The following RBM26 variants were observed in gnomAD, a reference collection of about 807,000 sequenced individuals.
RBM26 encodes the protein RNA-binding protein 26.
In RBM26, 30 loss-of-function variants were observed where a neutral mutation model predicts 123.6. The ratio of observed to expected loss-of-function variants is 0.24; its 90% CI spans 0.18 to 0.33. The LOEUF is 0.33. RBM26 is among the 10% of genes least tolerant of loss of function. The probability of loss-of-function intolerance (pLI) is 1.00; values close to 1 mark genes in which losing one functional copy is unlikely to be tolerated. For synonymous variants in RBM26, 400 were observed against 404.4 expected (o/e 0.99, Z 0.13); for missense variants, 947 against 1,203.6 (o/e 0.79, Z 3.15).
At chr13:79,315,258 T>C (rs1254073868), downstream of RBM26, among the ~76,000 whole-genome samples, 2 of 151,814 alleles carry the variant, frequency 1.3e-5, no homozygotes, top group Non-Finnish European at 2.9e-5. Context: ...AAATTTTCAT[T>C]GCGAAAACTA....
In RBM26 at chr13:79,337,293, G is replaced by T; in HGVS notation, c.2542C>A (p.Arg848=). The T allele has an allele frequency of 1.2e-6, 2 of 1,614,056 alleles. No individual in the cohort carries two copies. Among genetic ancestry groups the T allele is most frequent in the Non-Finnish European group, 1.7e-6 (2 of 1,179,986 alleles). The change falls in exon 19 of 22, where the codon CGA becomes AGA. Residue 848 remains arginine (R), a synonymous_variant. Coordinates refer to ENST00000438737, the MANE Select transcript of RBM26 (RefSeq NM_001366735.2). ...YTELQLEAAK[R]GILSSGRGRG... is the part of the protein sequence containing the mutation. Reference sequence around the variant, plus strand: ...CCCCGACCAGATGAAAGAATCCCTCGTTTGGCAGCCTAGAAGAGATTAGAC... The same window carrying T: ...CCCCGACCAGATGAAAGAATCCCTCTTTTGGCAGCCTAGAAGAGATTAGAC...
chr13:79,360,075 T>C (rs776411732), intron 9 of RBM26, among the ~76,000 whole-genome samples: 89 of 152,100 alleles, frequency 5.9e-4, no homozygotes, highest in Non-Finnish European at 1.2e-3. Flanking sequence ...AAAAAGATAT[T>C]TGACAGAGAA....
rs189113382 is a variant in RBM26 at position 79,356,612 on chromosome 13, T to A, written c.1690-1228A>T. Among the ~76,000 whole-genome samples the A allele has an allele frequency of 1.1e-3, 171 of 152,288 alleles. 1 individual carries two copies. In the East Asian group the frequency reaches 0.029, roughly 26 times the overall value. On this transcript the variant is annotated intron_variant, in intron 11 of 21. Coordinates refer to ENST00000438737, the MANE Select transcript of RBM26 (RefSeq NM_001366735.2). Reference sequence around the variant, plus strand: ...ATTCAATAAACATTAATTATAACTATAAAGATAATTTTGGTAACATTTTAA... The same window carrying A: ...ATTCAATAAACATTAATTATAACTAAAAAGATAATTTTGGTAACATTTTAA...
intron 18 of RBM26, among the ~76,000 whole-genome samples, chr13:79,339,863 G>A (rs1349247454): frequency 6.6e-6 from 1 of 152,106 alleles, no homozygotes; most frequent in Admixed American, 6.5e-5. Flanking sequence ...TGACTGTGCT[G>A]AATGAACACA....
intron 1 of RBM26, among the ~76,000 whole-genome samples, chr13:79,381,921 G>C (rs1250343714): frequency 6.6e-6 from 1 of 152,020 alleles, no homozygotes; most frequent in African/African-American, 2.4e-5. Flanking sequence ...TATAGAAGCA[G>C]GGGTTATAAT....
chr13:79,354,686 T>C (rs1258335392), intron 12 of RBM26, 116 bp from the exon 13 acceptor site: 16 of 910,364 alleles, frequency 1.8e-5, no homozygotes, highest in Middle Eastern at 2.5e-4. Context: ...ATGCAGCTTA[T>C]AGTCAAAACC....
In RBM26 at chr13:79,342,748, T is replaced by C; in HGVS notation, c.2343A>G (p.Thr781=). The C allele has an allele frequency of 1.9e-6, 3 of 1,611,324 alleles. No individual in the cohort carries two copies. Among genetic ancestry groups the C allele is most frequent in the Non-Finnish European group, 2.5e-6 (3 of 1,177,852 alleles). Residue 781 remains threonine, a synonymous_variant, in exon 17 of 22, where the codon ACA becomes ACG. Coordinates refer to ENST00000438737, the MANE Select transcript of RBM26 (RefSeq NM_001366735.2). ...AEIMKTLEVL[T]KNITKLKDEV... Reference sequence around the variant, plus strand: ...CATCTTTCAACTTGGTAATATTTTTTGTCAAAACCTCTAAAGTTTTCATTA... The same window carrying C: ...CATCTTTCAACTTGGTAATATTTTTCGTCAAAACCTCTAAAGTTTTCATTA...
Position 79,392,270 on chromosome 13 carries a change from T to C in RBM26, c.72-13363A>G, listed in dbSNP as rs995338271. ...ATAATACATAATTATTATATAATTATATATTAATTATATATAAAATATATA... is the reference window on the plus strand; with the variant it reads ...ATAATACATAATTATTATATAATTACATATTAATTATATATAAAATATATA... On this transcript the variant is annotated intron_variant, in intron 1 of 21. Transcript: ENST00000438737. Among the ~76,000 whole-genome samples the C allele has an allele frequency of 3.7e-5, 5 of 135,828 alleles. No individual in the cohort carries two copies. In the East Asian group the frequency reaches 1.1e-3, roughly 29 times the overall value. The allele number at this position is 135,828 out of a possible 152,430, so 89.1% of individuals were successfully genotyped here.
At chr13:79,356,531 T>C (rs1375819574) in intron 11 of RBM26, among the ~76,000 whole-genome samples, 1 of 152,132 alleles carries the variant, frequency 6.6e-6, no homozygotes, top group Non-Finnish European at 1.5e-5. Context: ...TATCCACTCT[T>C]CAGTGTTAAG....
chr13:79,377,920 T>C (rs890622989), intron 2 of RBM26, among the ~76,000 whole-genome samples: 2 of 77,236 alleles, frequency 2.6e-5, no homozygotes, highest in Non-Finnish European at 5.1e-5. Context: ...AGAGCAAGAC[T>C]CCGTCTCAAA....
chr13:79,331,402 C>T (rs367852934), intron 20 of RBM26, among the ~76,000 whole-genome samples: 219 of 148,560 alleles, frequency 1.5e-3, no homozygotes, highest in Middle Eastern at 3.5e-3. Context: ...AGGTGGATCA[C>T]GAGGTCAGGA....
intron 6 of RBM26, among the ~76,000 whole-genome samples, chr13:79,367,345 T>C (rs2075361330): frequency 7.1e-6 from 1 of 141,662 alleles, no homozygotes; most frequent in Non-Finnish European, 1.5e-5. Context: ...AGGCAGTGGT[T>C]GCACTGAGCA....
rs965120441 is a variant in RBM26, at chr13:79,342,403, T to C, written c.2427+261A>G. ...AACTAGTCAAGCAGTCAAGTACCTA[T>C]ATCACTTTGTCCTCAAGCGGCCTTT... On this transcript the variant is annotated intron_variant, in intron 17 of 21. Transcript: ENST00000438737. Among the ~76,000 whole-genome samples, 63 of 151,966 alleles carry C rather than the reference T, an allele frequency of 4.1e-4. No individual in the cohort carries two copies. The highest frequency in any genetic ancestry group is 1.5e-3 in the African/African-American group (61 of 41,552).
downstream of RBM26, chr13:79,314,009 G>A (rs928364759): frequency 1.3e-5 from 2 of 151,632 alleles, no homozygotes; most frequent in African/African-American, 4.8e-5. Context: ...AATGCCTCCT[G>A]AGAATCTATG....
intron 1 of RBM26, among the ~76,000 whole-genome samples, chr13:79,400,323 C>A (rs759348103): frequency 2.6e-5 from 4 of 152,128 alleles, no homozygotes; most frequent in Admixed American, 6.5e-5. Flanking sequence ...AAGGTACTGG[C>A]AGGTTTGGCA....
intron 11 of RBM26, among the ~76,000 whole-genome samples, 153 bp from the exon 12 acceptor site, chr13:79,355,537 T>C (rs2073870755): frequency 6.6e-6 from 1 of 152,264 alleles, no homozygotes; most frequent in Non-Finnish European, 1.5e-5. Flanking sequence ...AGTCTACTTT[T>C]ACTCCAGAAG....
chr13:79,402,608 T>C (rs2079146358), intron 1 of RBM26, among the ~76,000 whole-genome samples: 1 of 152,150 alleles, frequency 6.6e-6, no homozygotes, highest in Non-Finnish European at 1.5e-5. Context: ...CCTTTGCTTT[T>C]TTCTATTTCT....
intron 21 of RBM26, 106 bp downstream of exon 21, chr13:79,322,243 G>T: frequency 1.5e-6 from 1 of 660,438 alleles, no homozygotes; most frequent in Non-Finnish European, 2.4e-6. Flanking sequence ...TGGACTATGG[G>T]TCAGGAATAA....
chr13:79,331,510 T>A, intron 20 of RBM26, among the ~76,000 whole-genome samples: 1 of 149,146 alleles, frequency 6.7e-6, no homozygotes, highest in East Asian at 2.0e-4. Flanking sequence ...GGCAGGCACC[T>A]CTAGTCCCAG....
Sources: gnomAD v4.1 joint callset for allele counts (sites outside exome capture counted in the v4.1 genomes callset) on GRCh38, gnomAD v4.1.1 for gene constraint, MANE v1.5 for transcripts, NCBI Gene and HGNC (gene_info 2026-07-23, HGNC 2026-07-21) for gene names.